The following PCSK2 variants were observed in gnomAD, a reference collection of about 807,000 sequenced individuals.
PCSK2 encodes the protein proprotein convertase subtilisin/kexin type 2.
PCSK2 carries 14 observed loss-of-function variants against 69.7 expected under a neutral mutation model. The observed-to-expected ratio is 0.20, with a 90% CI of 0.13 to 0.31. The LOEUF (loss-of-function observed/expected upper bound fraction) is 0.31. Among genes scored for constraint, PCSK2 ranks in the 10% least tolerant of loss-of-function variants. PCSK2 has a pLI of 1.00. For synonymous variants in PCSK2, 307 were observed against 320.7 expected (o/e 0.96, Z 0.46); for missense variants, 544 against 842.5 (o/e 0.65, Z 4.39).
At chr20:17,473,418 T>G (rs956413983) in intron 11 of PCSK2, among the ~76,000 whole-genome samples, 1 of 152,186 alleles carries the variant, frequency 6.6e-6, no homozygotes, top group African/African-American at 2.4e-5. Flanking sequence ...CCAGAAAGCA[T>G]GCTTCATTTT....
chr20:17,470,911 T>C (rs2033188403), intron 11 of PCSK2, among the ~76,000 whole-genome samples: 1 of 152,208 alleles, frequency 6.6e-6, no homozygotes, highest in Non-Finnish European at 1.5e-5. Flanking sequence ...TACACTTACT[T>C]GCATATAAGC....
chr20:17,413,618 G>A (rs2031928911), intron 6 of PCSK2, among the ~76,000 whole-genome samples: 3 of 152,162 alleles, frequency 2.0e-5, no homozygotes, highest in Admixed American at 2.0e-4. Context: ...ATATTAGACA[G>A]ATCAACGAGA....
At chr20:17,358,223 A>C in intron 2 of PCSK2, 104 bp from the exon 3 acceptor site, 1 of 698,010 alleles carries the variant, frequency 1.4e-6, no homozygotes, top group South Asian at 1.7e-5. Flanking sequence ...CCAAAGAAAA[A>C]AATACACCTG....
intron 6 of PCSK2, among the ~76,000 whole-genome samples, chr20:17,416,951 T>G (rs2123316705): frequency 6.6e-6 from 1 of 152,148 alleles, no homozygotes; most frequent in East Asian, 1.9e-4. Flanking sequence ...ATGTTCTCAC[T>G]CATAGGTGGG....
chr20:17,415,167 T>C (rs553668467), intron 6 of PCSK2, among the ~76,000 whole-genome samples: 1 of 152,290 alleles, frequency 6.6e-6, no homozygotes, highest in South Asian at 2.1e-4. Flanking sequence ...TTCAACATAG[T>C]GTTGGAAGTT....
chr20:17,477,985 C>T (rs2033322021), intron 11 of PCSK2, among the ~76,000 whole-genome samples: 1 of 152,110 alleles, frequency 6.6e-6, no homozygotes, highest in African/African-American at 2.4e-5. Flanking sequence ...CATAATAAGT[C>T]TTCAAAATTA....
At chr20:17,413,582 G>T (rs1213959568) in intron 6 of PCSK2, among the ~76,000 whole-genome samples, 6 of 151,946 alleles carry the variant, frequency 3.9e-5, no homozygotes, top group African/African-American at 1.2e-4. Context: ...ACAATAATAA[G>T]GGGAGACTTT....
chr20:17,467,248 C>T (rs1385195038), intron 11 of PCSK2, among the ~76,000 whole-genome samples: 1 of 152,226 alleles, frequency 6.6e-6, no homozygotes, highest in African/African-American at 2.4e-5. Flanking sequence ...CCTTTGTGCC[C>T]TGTCTCCCTT....
chr20:17,392,754 C>T (rs1003607284), intron 5 of PCSK2, among the ~76,000 whole-genome samples: 1 of 152,184 alleles, frequency 6.6e-6, no homozygotes, highest in South Asian at 2.1e-4. Flanking sequence ...ATATCAATAA[C>T]ATGTTCTTTT....
In PCSK2 at chr20:17,334,444, G is replaced by A. The variant is rs190317488; in HGVS notation, c.283-23883G>A. On this transcript the variant is annotated intron_variant, in intron 2 of 11. Transcript: ENST00000262545. ...GTATGCCACATAATTCCCACAAGCC[G>A]CATTCTCTGCATCCACAAAGTGCAG... Among the ~76,000 whole-genome samples, 11 of 152,310 alleles carry A rather than the reference G, an allele frequency of 7.2e-5. No homozygotes were observed. In the East Asian group the frequency reaches 9.6e-4, roughly 13 times the overall value.
At chr20:17,382,084 A>G (rs566731817) in intron 5 of PCSK2, among the ~76,000 whole-genome samples, 117 of 152,042 alleles carry the variant, frequency 7.7e-4, no homozygotes, top group Non-Finnish European at 1.3e-3. Flanking sequence ...TGCTTGCTTG[A>G]TTATTAATAA....
intron 2 of PCSK2, among the ~76,000 whole-genome samples, chr20:17,310,184 C>T (rs539648757): frequency 6.6e-6 from 1 of 152,266 alleles, no homozygotes; most frequent in East Asian, 1.9e-4. Flanking sequence ...AGTGCCATTT[C>T]CATACACGAG....
At chr20:17,368,339 T>G (rs6044761) in intron 4 of PCSK2, among the ~76,000 whole-genome samples, 134,402 of 152,084 alleles carry the variant, frequency 0.88, 59,743 homozygotes, top group South Asian at 0.96. Flanking sequence ...AGGAAAATTA[T>G]CACAGAGTCC....
At chr20:17,393,834 T>C (rs925942942) in intron 5 of PCSK2, among the ~76,000 whole-genome samples, 8 of 152,146 alleles carry the variant, frequency 5.3e-5, no homozygotes, top group Admixed American at 3.9e-4. Context: ...GTGGTATAAA[T>C]AAAAGTGGTA....
At chr20:17,312,393 A>G (rs1306167296) in intron 2 of PCSK2, among the ~76,000 whole-genome samples, 2 of 152,152 alleles carry the variant, frequency 1.3e-5, no homozygotes, top group Admixed American at 6.5e-5. Context: ...AGAACCATTT[A>G]ACATTTTCCA....
chr20:17,332,574 C>A (rs1239273758), intron 2 of PCSK2, among the ~76,000 whole-genome samples: 77 of 152,186 alleles, frequency 5.1e-4, no homozygotes, highest in Admixed American at 4.9e-3. Flanking sequence ...ACCAGCAGCA[C>A]CAGTGTCACT....
At chr20:17,286,826 T>C (rs1447301825) in intron 2 of PCSK2, among the ~76,000 whole-genome samples, 3 of 152,192 alleles carry the variant, frequency 2.0e-5, no homozygotes, top group Non-Finnish European at 4.4e-5. Context: ...ACAGTCTGTA[T>C]CAGAATCAGT....
intron 2 of PCSK2, among the ~76,000 whole-genome samples, chr20:17,281,536 C>T (rs144766908): frequency 1.3e-3 from 197 of 152,320 alleles, no homozygotes; most frequent in African/African-American, 4.2e-3. Flanking sequence ...GTTCAGGCTG[C>T]TTGGTCTGGG....
rs1489978956 is a variant in PCSK2 at position 17,481,860 on chromosome 20, C to G, written c.1707C>G (p.Thr569=). 1.2e-6 allele frequency: 2 copies of G among 1,614,080 alleles called. No homozygotes were observed. The highest frequency in any genetic ancestry group is 1.7e-6 in the Non-Finnish European group (2 of 1,180,016). ...TWGEDARGTW[T]LELGFVGSAP... Reference sequence around the variant, plus strand: ...GGGAAGACGCCCGAGGCACCTGGACCCTGGAGCTGGGATTTGTCGGCAGCG... The same window carrying G: ...GGGAAGACGCCCGAGGCACCTGGACGCTGGAGCTGGGATTTGTCGGCAGCG... The change falls in exon 12 of 12, where the codon ACC becomes ACG. Residue 569 remains threonine (T), a synonymous_variant. Coordinates refer to ENST00000262545, the MANE Select transcript of PCSK2 (RefSeq NM_002594.5).
Sources: gnomAD v4.1 joint callset for allele counts (sites outside exome capture counted in the v4.1 genomes callset) on GRCh38, gnomAD v4.1.1 for gene constraint, MANE v1.5 for transcripts, NCBI Gene and HGNC (gene_info 2026-07-23, HGNC 2026-07-21) for gene names.